The following DCLK1 variants were observed in gnomAD, a reference collection of about 807,000 sequenced individuals.
DCLK1 encodes serine/threonine-protein kinase DCLK1.
In DCLK1, 16 loss-of-function variants were observed where a neutral mutation model predicts 86.2. That is an observed-to-expected ratio of 0.19 (90% CI 0.13 to 0.28). DCLK1 has a LOEUF of 0.28. DCLK1 is among the 10% of genes least tolerant of loss of function. The pLI, the probability that DCLK1 is intolerant of heterozygous loss-of-function variation, is 1.00. For synonymous variants in DCLK1, 369 were observed against 370.5 expected, an observed-to-expected ratio of 1.00 and a Z score of 0.05; for missense variants, 590 against 940.2, an observed-to-expected ratio of 0.63 and a Z score of 4.87.
chr13:36,104,778 G>A (rs1038775675), intron 3 of DCLK1, among the ~76,000 whole-genome samples: 5 of 151,874 alleles, frequency 3.3e-5, no homozygotes, highest in South Asian at 2.1e-4. Flanking sequence ...TATCTGCATC[G>A]CATTCACAAC....
rs1475904052 is a variant in DCLK1 at position 36,004,007 on chromosome 13, T to C, written c.724-56550A>G. 2.0e-5 allele frequency among the ~76,000 whole-genome samples: 3 copies of C among 152,168 alleles called. No homozygotes were observed. The East Asian group carries it at 5.8e-4, about 29-fold the overall frequency. On this transcript the variant is annotated intron_variant, in intron 3 of 16. Coordinates refer to ENST00000360631, the MANE Select transcript of DCLK1 (RefSeq NM_001330071.2). ...GAGTGTTTTGTTTGTTCTAAAATAA[T>C]AATAGTCACTCTGAAAAGAAGCAAA...
chr13:35,811,738 G>A (rs2087149849), intron 11 of DCLK1, among the ~76,000 whole-genome samples: 1 of 151,954 alleles, frequency 6.6e-6, no homozygotes, highest in African/African-American at 2.4e-5. Flanking sequence ...GGAGGCTGAG[G>A]CAAGAGAATC....
rs756293091 is a variant in DCLK1 at position 36,126,099 on chromosome 13, G to A, written c.39C>T (p.Asp13=). 6 of 1,606,736 alleles carry A rather than the reference G, an allele frequency of 3.7e-6. No homozygotes were observed. Among genetic ancestry groups the A allele is most frequent in the Admixed American group, 1.7e-5 (1 of 59,814 alleles). Residue 13 remains aspartate, a synonymous_variant, in exon 2 of 17, where the codon GAC becomes GAT. Coordinates refer to ENST00000360631, the MANE Select transcript of DCLK1 (RefSeq NM_001330071.2). ...TGTATCTCTGCGCCTTATCCCGCTC[G>A]TCGAAGTGCTCCAGCTCCATGTCTC... ...FGRDMELEHF[D]ERDKAQRYSR...
intron 4 of DCLK1, among the ~76,000 whole-genome samples, chr13:35,895,786 C>G (rs1197207389): frequency 6.6e-6 from 1 of 151,302 alleles, no homozygotes; most frequent in African/African-American, 2.4e-5. Flanking sequence ...ATACTCTATA[C>G]AGTTGAGAGT....
intron 3 of DCLK1, among the ~76,000 whole-genome samples, chr13:36,031,008 G>A (rs184908115): frequency 7.6e-4 from 115 of 152,222 alleles, no homozygotes; most frequent in Non-Finnish European, 1.4e-3. Flanking sequence ...ATAAGCCACA[G>A]GACTTATTTC....
At chr13:35,986,118 A>G (rs1879891183) in intron 3 of DCLK1, among the ~76,000 whole-genome samples, 2 of 151,982 alleles carry the variant, frequency 1.3e-5, no homozygotes, top group South Asian at 4.2e-4. Flanking sequence ...CCTGACCAAC[A>G]TGGTAAAATC....
At chr13:35,961,192 A>G (rs1399695139) in intron 3 of DCLK1, among the ~76,000 whole-genome samples, 1 of 152,208 alleles carries the variant, frequency 6.6e-6, no homozygotes, top group Non-Finnish European at 1.5e-5. Flanking sequence ...ATAATATTGC[A>G]TCTACCTCCC....
chr13:35,910,238 CA>C (rs1264635830), intron 4 of DCLK1, among the ~76,000 whole-genome samples: 1 of 152,202 alleles, frequency 6.6e-6, no homozygotes, highest in Non-Finnish European at 1.5e-5. Flanking sequence ...AATGCACGAA[CA>C]GTCAACACAA....
intron 4 of DCLK1, among the ~76,000 whole-genome samples, chr13:35,873,185 C>T (rs1475504676): frequency 6.6e-6 from 1 of 151,820 alleles, no homozygotes; most frequent in Non-Finnish European, 1.5e-5. Flanking sequence ...GTAATCCCAG[C>T]TACTCGGGAG....
At chr13:36,051,976 T>A (rs1361577996) in intron 3 of DCLK1, among the ~76,000 whole-genome samples, 1 of 152,182 alleles carries the variant, frequency 6.6e-6, no homozygotes, top group Admixed American at 6.5e-5. Context: ...AAAGTTAAAT[T>A]ACCTTCTTAG....
At position 36,111,908 on chromosome 13, in the gene DCLK1, C is replaced by T. The variant is rs150324103; in HGVS notation, c.684G>A (p.Ser228=). 9.3e-6 allele frequency: 15 copies of T among 1,614,116 alleles called. No individual in the cohort carries two copies. Among genetic ancestry groups the T allele is most frequent in the African/African-American group, 2.7e-5 (2 of 75,052 alleles). ...ACGTGTACAGGCGTTTCACCACTCC[C>T]GAGTCCAGCTTGATGGCATCGGTGA... The part of the protein sequence containing the change: ...TDITDAIKLD[S]GVVKRLYTLD... The change falls in exon 3 of 17, where the codon TCG becomes TCA. Residue 228 remains serine (S), a synonymous_variant. Transcript: ENST00000360631.
chr13:36,024,004 T>C (rs1304950989), intron 3 of DCLK1, among the ~76,000 whole-genome samples: 1 of 151,812 alleles, frequency 6.6e-6, no homozygotes, highest in African/African-American at 2.4e-5. Context: ...CAAGTGGTTC[T>C]CCTGCCTCAG....
At chr13:35,810,199 A>G (rs1194313237) in intron 12 of DCLK1, among the ~76,000 whole-genome samples, 1 of 152,214 alleles carries the variant, frequency 6.6e-6, no homozygotes, top group Non-Finnish European at 1.5e-5. Context: ...GTTTCAATTT[A>G]TTGAAGTGCA....
At chr13:35,920,161 C>A (rs1875712635) in intron 4 of DCLK1, among the ~76,000 whole-genome samples, 1 of 152,154 alleles carries the variant, frequency 6.6e-6, no homozygotes, top group Admixed American at 6.5e-5. Flanking sequence ...TGTATATGGA[C>A]ATCTCTCTAC....
At chr13:35,930,383 G>T (rs1236676628) in intron 4 of DCLK1, among the ~76,000 whole-genome samples, 1 of 152,202 alleles carries the variant, frequency 6.6e-6, no homozygotes, top group Non-Finnish European at 1.5e-5. Flanking sequence ...GGTATGTGTG[G>T]GTCAGTGTAA....
intron 14 of DCLK1, among the ~76,000 whole-genome samples, chr13:35,807,581 C>T (rs1253142296): frequency 3.3e-5 from 5 of 152,182 alleles, no homozygotes; most frequent in African/African-American, 1.2e-4. Context: ...ATACTTTAGG[C>T]AGGGATAGTA....
chr13:35,847,286 C>T (rs1388131276), intron 6 of DCLK1: 19 of 984,818 alleles, frequency 1.9e-5, no homozygotes, highest in Non-Finnish European at 2.2e-5. Flanking sequence ...TTAAACATGC[C>T]CCAACTAATA....
At chr13:36,081,200 A>G (rs539612746) in intron 3 of DCLK1, among the ~76,000 whole-genome samples, 2 of 152,340 alleles carry the variant, frequency 1.3e-5, no homozygotes, top group Middle Eastern at 3.4e-3. Flanking sequence ...TTAAATAATT[A>G]TTAACATAAT....
chr13:35,994,374 C>G (rs141494280), intron 3 of DCLK1, among the ~76,000 whole-genome samples: 1 of 152,166 alleles, frequency 6.6e-6, no homozygotes, highest in Admixed American at 6.5e-5. Flanking sequence ...TTCCACACCA[C>G]AGAATAGTCA....
Sources: allele counts gnomAD v4.1 joint callset (sites outside exome capture counted in the v4.1 genomes callset), GRCh38; gene constraint gnomAD v4.1.1; transcripts MANE v1.5; gene names NCBI Gene and HGNC (gene_info 2026-07-23, HGNC 2026-07-21).